The following LYPD6B variants were observed in gnomAD, a reference collection of about 807,000 sequenced individuals.
The protein encoded by LYPD6B is ly6/PLAUR domain-containing protein 6B.
Under a neutral mutation model 22.8 loss-of-function variants are expected in LYPD6B, and 17 were observed. The observed-to-expected ratio is 0.75, with a 90% CI of 0.51 to 1.12. The LOEUF is 1.12. LYPD6B is among the 50% of genes most tolerant of loss of function. The pLI is 0.00. For missense variants in LYPD6B, 221 were observed against 258.3 expected (o/e 0.86, Z 0.99); for synonymous variants, 106 against 91.6 (o/e 1.16, Z -0.90).
chr2:149,075,814 G>A (rs182824019), intron 1 of LYPD6B, among the ~76,000 whole-genome samples: 1 of 152,310 alleles, frequency 6.6e-6, no homozygotes, highest in East Asian at 1.9e-4. Context: ...TGAAAAGTAG[G>A]TAAGATAAAC....
intron 2 of LYPD6B, among the ~76,000 whole-genome samples, chr2:149,152,892 T>C (rs1310975956): frequency 1.3e-5 from 2 of 152,092 alleles, no homozygotes; most frequent in Non-Finnish European, 2.9e-5. Context: ...AAAAGTGGGG[T>C]AGGGGTCCAG....
chr2:149,129,468 A>G (rs1187769236), intron 1 of LYPD6B, among the ~76,000 whole-genome samples: 1 of 152,200 alleles, frequency 6.6e-6, no homozygotes, highest in African/African-American at 2.4e-5. Flanking sequence ...CTCTATCTGA[A>G]AATCTCATCT....
chr2:149,058,860 T>C (rs1003882264), intron 1 of LYPD6B, among the ~76,000 whole-genome samples: 1 of 152,246 alleles, frequency 6.6e-6, no homozygotes, highest in African/African-American at 2.4e-5. Context: ...CCTCAGGTGA[T>C]CCACTTGCCC....
chr2:149,067,405 A>G (rs369926158), intron 1 of LYPD6B, among the ~76,000 whole-genome samples: 31 of 152,214 alleles, frequency 2.0e-4, no homozygotes, highest in African/African-American at 7.0e-4. Context: ...TTATAAATTA[A>G]TTTTCCATTA....
At chr2:149,203,941 G>T (rs1693334520) in intron 3 of LYPD6B, among the ~76,000 whole-genome samples, 1 of 152,200 alleles carries the variant, frequency 6.6e-6, no homozygotes, top group Non-Finnish European at 1.5e-5. Flanking sequence ...ATGCATTATT[G>T]CTCTGGGTTC....
In LYPD6B at chr2:149,214,566, A is replaced by G; in HGVS notation, c.480A>G (p.Glu160=). 6.2e-7 allele frequency: 1 copy of G among 1,611,818 alleles called. No individual in the cohort carries two copies. The highest frequency in any genetic ancestry group is 1.1e-5 in the South Asian group (1 of 90,828). ...SEHTECRSCC[E]GMICNVELPT... ...AACAGGAGTGTAGGTCTTGCTGTGA[A>G]GGAATGATCTGCAATGTAGAATTAC... The change falls in exon 7 of 7, where the codon GAA becomes GAG. Residue 160 remains glutamate, a synonymous_variant. Transcript: ENST00000409642.
chr2:149,205,333 T>C lies in LYPD6B; in HGVS notation c.158T>C (p.Ile53Thr), dbSNP rs751137887. The C allele has an allele frequency of 6.2e-7, 1 of 1,614,028 alleles. No individual in the cohort carries two copies. The highest frequency in any genetic ancestry group is 1.7e-5 in the Admixed American group (1 of 60,028). Residue 53 changes from isoleucine to threonine, a missense_variant, in exon 4 of 7, where the codon ATC becomes ACC. Coordinates refer to ENST00000409642, the MANE Select transcript of LYPD6B (RefSeq NM_177964.5). ...CHALAIAVVQIVIFSESWAFA... is the reference protein window; with the variant it reads ...CHALAIAVVQTVIFSESWAFA... ...GCTCTCGCTATAGCTGTTGTCCAGA[T>C]CGTTATCTTCTCAGAAAGCTGGGCA...
At chr2:149,110,324 C>G (rs1444839663) in intron 1 of LYPD6B, among the ~76,000 whole-genome samples, 1 of 152,068 alleles carries the variant, frequency 6.6e-6, no homozygotes, top group Non-Finnish European at 1.5e-5. Flanking sequence ...TTCATTTTCT[C>G]TTTTCATTAT....
chr2:149,061,924 T>C (rs576735967), intron 1 of LYPD6B, among the ~76,000 whole-genome samples: 1 of 152,282 alleles, frequency 6.6e-6, no homozygotes, highest in Non-Finnish European at 1.5e-5. Context: ...AAGTGTAAGA[T>C]TAAATTGAGC....
rs548644543 is a variant in LYPD6B, at chr2:149,100,060, C to T, written c.-66-30823C>T. Reference sequence around the variant, plus strand: ...GTTCTAAAGAGAACATTTATACCAACTTATTTCCTCTTAGGAAAAGATTGA... The same window carrying T: ...GTTCTAAAGAGAACATTTATACCAATTTATTTCCTCTTAGGAAAAGATTGA... On this transcript the variant is annotated intron_variant, in intron 1 of 6. Coordinates refer to ENST00000409642, the MANE Select transcript of LYPD6B (RefSeq NM_177964.5). Among the ~76,000 whole-genome samples, 21 of 152,296 alleles carry T rather than the reference C, an allele frequency of 1.4e-4. No individual in the cohort carries two copies. The South Asian group carries it at 4.1e-3, about 30-fold the overall frequency.
chr2:149,123,477 A>G (rs1015826280), intron 1 of LYPD6B, among the ~76,000 whole-genome samples: 2 of 152,162 alleles, frequency 1.3e-5, no homozygotes, highest in Admixed American at 6.5e-5. Context: ...CTAAAGTTGG[A>G]CAATTACTAC....
rs1431513988 is a variant in LYPD6B, at chr2:149,212,975, T to C, written c.329-17T>C. 6.2e-7 allele frequency: 1 copy of C among 1,608,670 alleles called. No homozygotes were observed. Among genetic ancestry groups the C allele is most frequent in the Non-Finnish European group, 8.5e-7 (1 of 1,178,040 alleles). On this transcript the variant is annotated splice_polypyrimidine_tract_variant and intron_variant, in intron 5 of 6. Coordinates refer to ENST00000409642, the MANE Select transcript of LYPD6B (RefSeq NM_177964.5). ...TACCTTGTTTCTTGGTTTTGTTTTT[T>C]GTTTCCTCTTGCCTAGATACACAGT...
intron 4 of LYPD6B, chr2:149,205,914 C>A (rs1012157866): frequency 6.1e-6 from 2 of 329,472 alleles, no homozygotes; most frequent in East Asian, 8.5e-5. Context: ...TAAAGATAGG[C>A]AAATATTAGT....
rs144190362 is a variant in LYPD6B, at chr2:149,144,409, C to T, written c.5+13456C>T. On this transcript the variant is annotated intron_variant, in intron 2 of 6. Coordinates refer to ENST00000409642, the MANE Select transcript of LYPD6B (RefSeq NM_177964.5). Reference sequence around the variant, plus strand: ...TTGTTTTTGTTTGTTTGTTTGTTTTCGAGACAGAGTCTCCCCCTGTCACCC... The same window carrying T: ...TTGTTTTTGTTTGTTTGTTTGTTTTTGAGACAGAGTCTCCCCCTGTCACCC... Among the ~76,000 whole-genome samples the T allele has an allele frequency of 5.4e-3, 816 of 151,990 alleles. 10 individuals carry two copies. Among genetic ancestry groups the T allele is most frequent in the African/African-American group, 0.018 (758 of 41,470 alleles).
chr2:149,139,600 T>A (rs1031102472), intron 2 of LYPD6B, among the ~76,000 whole-genome samples: 16 of 152,176 alleles, frequency 1.1e-4, no homozygotes, highest in African/African-American at 3.6e-4. Context: ...GTTTAAAATA[T>A]AACAAGCAAA....
At chr2:149,210,640 C>T (rs1693784847) in intron 5 of LYPD6B, among the ~76,000 whole-genome samples, 1 of 152,190 alleles carries the variant, frequency 6.6e-6, no homozygotes, top group African/African-American at 2.4e-5. Context: ...AAGAAGTCTT[C>T]TGTGTAACAG....
chr2:149,093,260 G>A (rs148772661), intron 1 of LYPD6B, among the ~76,000 whole-genome samples: 1 of 152,204 alleles, frequency 6.6e-6, no homozygotes, highest in African/African-American at 2.4e-5. Context: ...ATTGGTGGTG[G>A]AGGCTAGTCT....
chr2:149,209,871 T>C (rs1693737040), intron 5 of LYPD6B, among the ~76,000 whole-genome samples: 1 of 152,248 alleles, frequency 6.6e-6, no homozygotes, highest in African/African-American at 2.4e-5. Context: ...TATGAGTGTA[T>C]GTGCATGCAT....
chr2:149,068,136 T>C (rs1684427854), intron 1 of LYPD6B, among the ~76,000 whole-genome samples: 2 of 152,220 alleles, frequency 1.3e-5, no homozygotes, highest in South Asian at 4.1e-4. Flanking sequence ...ATGTAATTTT[T>C]AACCTTTGTA....
Sources: allele counts gnomAD v4.1 joint callset (sites outside exome capture counted in the v4.1 genomes callset), GRCh38; gene constraint gnomAD v4.1.1; transcripts MANE v1.5; gene names NCBI Gene and HGNC (gene_info 2026-07-23, HGNC 2026-07-21).